Variants in ZFHX3 observed in about 807,000 individuals in gnomAD.
The protein encoded by ZFHX3 is zinc finger homeobox 3, also known as zinc finger homeobox protein 3.
Under a neutral mutation model 279.1 loss-of-function variants are expected in ZFHX3, and 42 were observed. The ratio of observed to expected loss-of-function variants is 0.15; its 90% CI spans 0.12 to 0.19. The LOEUF is 0.19. ZFHX3 is among the 10% of genes least tolerant of loss of function. ZFHX3 has a pLI of 1.00. For missense variants in ZFHX3, 4,981 were observed against 4,754.0 expected, an observed-to-expected ratio of 1.05 and a Z score of -1.40; for synonymous variants, 2,293 against 1,957.8, an observed-to-expected ratio of 1.17 and a Z score of -4.52.
Position 72,889,913 on chromosome 16 carries a change from T to C in ZFHX3, c.3266A>G (p.His1089Arg). 1 of 1,614,152 alleles carries C rather than the reference T, an allele frequency of 6.2e-7. No homozygotes were observed. Among genetic ancestry groups the C allele is most frequent in the Non-Finnish European group, 8.5e-7 (1 of 1,180,038 alleles). The change falls in exon 4 of 10, where the codon CAC becomes CGC. Residue 1089 changes from histidine (H) to arginine (R), a missense_variant. Around this residue, in one of 7 missense-constraint regions of ZFHX3, gnomAD observed 1,751 missense variants for 1,770.0 expected, o/e 0.99. Transcript: ENST00000268489. ...SGVEGESCYYHCVLCNYSTKA... is the reference protein window; with the variant it reads ...SGVEGESCYYRCVLCNYSTKA... ...GGTGGAGTAGTTGCACAGAACGCAG[T>C]GGTAGTAGCAGCTCTCACCTTCTAC...
intron 3 of ZFHX3, among the ~76,000 whole-genome samples, chr16:73,429,587 C>A (rs2017874879): frequency 6.6e-6 from 1 of 152,146 alleles, no homozygotes; most frequent in African/African-American, 2.4e-5. Flanking sequence ...CCTGTCCTGG[C>A]CTCCCAAAGT....
intron 3 of ZFHX3, among the ~76,000 whole-genome samples, chr16:72,920,737 A>G (rs2039563879): frequency 6.6e-6 from 1 of 151,952 alleles, no homozygotes; most frequent in Admixed American, 6.6e-5. Context: ...TCTGCAGACC[A>G]GCTTCCTCAA....
chr16:73,397,001 G>A (rs555387708), intron 3 of ZFHX3, among the ~76,000 whole-genome samples: 1 of 152,248 alleles, frequency 6.6e-6, no homozygotes, highest in Admixed American at 6.5e-5. Context: ...GCCCCCTGCA[G>A]TGTGGAAGCA....
At chr16:73,406,832 T>C (rs895749571) in intron 3 of ZFHX3, among the ~76,000 whole-genome samples, 1 of 152,198 alleles carries the variant, frequency 6.6e-6, no homozygotes, top group Admixed American at 6.5e-5. Flanking sequence ...GAGTTGGGAA[T>C]GTATTTTCTT....
In ZFHX3 at chr16:73,780,111, ATTTTTTTTTTTTTTTTTTTTTTTT is replaced by A. The variant is rs762134796; in HGVS notation, c.-1607-99895_-1607-99872del. Among the ~76,000 whole-genome samples the A allele has an allele frequency of 1.8e-3, 60 of 33,212 alleles. 1 individual carries two copies. The highest frequency in any genetic ancestry group is 3.4e-3 in the South Asian group (3 of 874). The allele number at this position is 33,212 out of a possible 152,430, so 21.8% of individuals were successfully genotyped here. ...AACCAGCAAAACTCACTGCATTTGA[ATTTTTTTTTTTTTTTTTTTTTTTT>A]TTTTTTTTTTTTTTTTTTTTTTTTG... is the stretch of plus-strand genomic sequence containing the variant. On this transcript the variant is annotated intron_variant, in intron 1 of 17. Transcript: ENST00000641206.
At chr16:73,428,985 T>G (rs28576030) in intron 3 of ZFHX3, among the ~76,000 whole-genome samples, 2,165 of 152,272 alleles carry the variant, frequency 0.014, 45 homozygotes, top group African/African-American at 0.049. Flanking sequence ...CAAAGTCATA[T>G]TCTAAAGGAC....
intron 3 of ZFHX3, among the ~76,000 whole-genome samples, chr16:72,919,808 T>TTTTTC (rs1597377754): frequency 8.4e-6 from 1 of 119,436 alleles, no homozygotes; most frequent in African/African-American, 3.5e-5. Context: ...TTTTTTTTTT[T>TTTTTC]TGAGACAGAG....
chr16:73,427,113 G>A (rs894827277), intron 3 of ZFHX3, among the ~76,000 whole-genome samples: 2 of 152,070 alleles, frequency 1.3e-5, no homozygotes, highest in African/African-American at 4.8e-5. Context: ...AAAAAAAGAG[G>A]AGAAGAAGAA....
At chr16:73,040,888 A>C (rs957212295) in intron 1 of ZFHX3, among the ~76,000 whole-genome samples, 19 of 152,224 alleles carry the variant, frequency 1.2e-4, no homozygotes, top group African/African-American at 4.3e-4. Flanking sequence ...TTACAGACGA[A>C]AGAAGTGAGG....
intron 1 of ZFHX3, among the ~76,000 whole-genome samples, chr16:73,696,487 T>C (rs1408486335): frequency 2.6e-5 from 4 of 152,216 alleles, no homozygotes. Context: ...GTCATGATTC[T>C]GAACCAAAGA....
At chr16:73,007,069 T>C (rs1364555611) in intron 1 of ZFHX3, among the ~76,000 whole-genome samples, 3 of 152,238 alleles carry the variant, frequency 2.0e-5, no homozygotes, top group African/African-American at 7.2e-5. Context: ...AACTATATTA[T>C]GTTTTTCTTC....
intron 1 of ZFHX3, among the ~76,000 whole-genome samples, chr16:73,725,925 A>G (rs2053514786): frequency 6.6e-6 from 1 of 152,174 alleles, no homozygotes; most frequent in African/African-American, 2.4e-5. Flanking sequence ...AGATATTTGG[A>G]GAATATTAAA....
At chr16:73,443,160 G>A (rs1014789397) in intron 3 of ZFHX3, among the ~76,000 whole-genome samples, 1 of 152,162 alleles carries the variant, frequency 6.6e-6, no homozygotes, top group Non-Finnish European at 1.5e-5. Flanking sequence ...GTAAATTCAT[G>A]GCTGGATCTG....
chr16:73,416,813 G>T (rs1471165092), intron 3 of ZFHX3, among the ~76,000 whole-genome samples: 1 of 149,140 alleles, frequency 6.7e-6, no homozygotes, highest in Non-Finnish European at 1.5e-5. Context: ...GGCGGAGCCT[G>T]CAGTGAGCCG....
intron 2 of ZFHX3, among the ~76,000 whole-genome samples, chr16:73,464,697 A>C (rs760296200): frequency 6.6e-6 from 1 of 152,156 alleles, no homozygotes; most frequent in Non-Finnish European, 1.5e-5. Flanking sequence ...CTTTGATCTG[A>C]AGAATTATTA....
Position 73,374,024 on chromosome 16 carries a change from G to A in ZFHX3, c.-1290-55688C>T, listed in dbSNP as rs549818230. On this transcript the variant is annotated intron_variant, in intron 3 of 17. Coordinates refer to the ZFHX3 transcript ENST00000641206. ...AACGGGGATGGAATGCAGCATGCACGGGGTAAACTGGGATGCGGCAGATTT... is the reference window on the plus strand; with the variant it reads ...AACGGGGATGGAATGCAGCATGCACAGGGTAAACTGGGATGCGGCAGATTT... Among the ~76,000 whole-genome samples, 4 of 152,292 alleles carry A rather than the reference G, an allele frequency of 2.6e-5. No homozygotes were observed. In the South Asian group the frequency reaches 8.3e-4, roughly 32 times the overall value.
chr16:73,286,609 C>G (rs1435482528), intron 4 of ZFHX3, among the ~76,000 whole-genome samples: 6 of 141,756 alleles, frequency 4.2e-5, no homozygotes, highest in African/African-American at 8.2e-5. Context: ...CTCTGCGTAG[C>G]TGTGTGGGTG....
At chr16:73,383,172 C>A (rs890681519) in intron 3 of ZFHX3, among the ~76,000 whole-genome samples, 6 of 152,212 alleles carry the variant, frequency 3.9e-5, no homozygotes, top group African/African-American at 1.2e-4. Flanking sequence ...TTTGTCTGCA[C>A]GTGAAGCCAA....
chr16:73,558,384 T>C (rs1430484995), intron 2 of ZFHX3: 1 of 152,254 alleles, frequency 6.6e-6, no homozygotes, highest in East Asian at 1.9e-4. Context: ...CACCTGGTAC[T>C]TTCTAAAGGA....
Sources: gnomAD v4.1 joint callset for allele counts (sites outside exome capture counted in the v4.1 genomes callset) on GRCh38, gnomAD v4.1.1 for gene constraint, gnomAD v4.1.1 regional missense constraint, MANE v1.5 for transcripts, NCBI Gene and HGNC (gene_info 2026-07-23, HGNC 2026-07-21) for gene names.